DNAH14: variants seen among roughly 807,000 people sequenced by gnomAD.
DNAH14 encodes the protein dynein axonemal heavy chain 14.
In DNAH14, 478 loss-of-function variants were observed where a neutral mutation model predicts 520.9. That is an observed-to-expected ratio of 0.92 (90% confidence interval 0.85 to 0.99). The LOEUF is 0.99. Ranked by LOEUF, DNAH14 falls within the 50% of genes least tolerant of loss-of-function variation. The pLI is 0.00. For synonymous variants in DNAH14, 1,581 were observed against 1,757.2 expected, an observed-to-expected ratio of 0.90 and a Z score of 2.51; for missense variants, 4,831 against 5,234.5, an observed-to-expected ratio of 0.92 and a Z score of 2.38.
intron 37 of DNAH14, among the ~76,000 whole-genome samples, chr1:225,192,466 T>C (rs2085572702): frequency 6.6e-6 from 1 of 152,102 alleles, no homozygotes; most frequent in Non-Finnish European, 1.5e-5. Flanking sequence ...TTTCCACTTT[T>C]TCTGGGGGTA....
At chr1:224,946,962 G>T in intron 1 of DNAH14, among the ~76,000 whole-genome samples, 1 of 142,554 alleles carries the variant, frequency 7.0e-6, no homozygotes. Context: ...CTGTTGCCCA[G>T]GCTGGAGTGC....
chr1:225,079,546 A>G lies in DNAH14; in HGVS notation c.2764A>G (p.Lys922Glu), dbSNP rs1211883657. Residue 922 changes from lysine (K) to glutamate (E), a missense_variant and splice_region_variant, in exon 18 of 86, where the codon AAG becomes GAG. Physicochemically the swap from Lys to Glu is moderately conservative, Grantham distance 56. Coordinates refer to ENST00000682510, the MANE Select transcript of DNAH14 (RefSeq NM_001367479.1). Reference sequence around the variant, plus strand: ...TGTTGATGTTGGCAATTTAAAAGCCAAGGTAAGTTTTTAGGGTTTTTTTGG... The same window carrying G: ...TGTTGATGTTGGCAATTTAAAAGCCGAGGTAAGTTTTTAGGGTTTTTTTGG... Reference protein sequence around the residue: ...LHVDVGNLKAKIRTPLLLCAG... With the variant: ...LHVDVGNLKAEIRTPLLLCAG... The G allele has an allele frequency of 6.6e-7, 1 of 1,505,004 alleles. No homozygotes were observed. The highest frequency in any genetic ancestry group is 8.8e-7 in the Non-Finnish European group (1 of 1,134,768). The allele number at this position is 1,505,004 out of a possible 1,614,324, so 93.2% of individuals were successfully genotyped here. A position where few individuals can be genotyped will look rare whatever the true frequency, so the allele number is the denominator to read the frequency against.
At chr1:225,168,526 C>A (rs1391037386) in intron 36 of DNAH14, among the ~76,000 whole-genome samples, 3 of 152,206 alleles carry the variant, frequency 2.0e-5, no homozygotes, top group Non-Finnish European at 4.4e-5. Context: ...CTTGGAGGGT[C>A]CTATACCCAC....
Position 224,991,822 on chromosome 1 carries a change from A to G in DNAH14, c.831-10961A>G, listed in dbSNP as rs998439457. On this transcript the variant is annotated intron_variant, in intron 8 of 85. Transcript: ENST00000682510. ...ATTGATGGACATTTGGGTTGATTCCATGTCTTTGCTGTTGTGAATAATGCT... is the reference window on the plus strand; with the variant it reads ...ATTGATGGACATTTGGGTTGATTCCGTGTCTTTGCTGTTGTGAATAATGCT... Among the ~76,000 whole-genome samples the G allele has an allele frequency of 4.6e-5, 7 of 152,184 alleles. No individual in the cohort carries two copies. The Middle Eastern group carries it at 0.01, about 222-fold the overall frequency.
At chr1:225,251,327 C>G (rs2092541622) in intron 43 of DNAH14, among the ~76,000 whole-genome samples, 1 of 152,104 alleles carries the variant, frequency 6.6e-6, no homozygotes, top group African/African-American at 2.4e-5. Flanking sequence ...GCACCTGTCA[C>G]CACGCTTGGC....
chr1:225,123,351 T>C (rs1048008042), intron 26 of DNAH14, among the ~76,000 whole-genome samples, 176 bp from the exon 27 acceptor site: 1 of 152,218 alleles, frequency 6.6e-6, no homozygotes, highest in Admixed American at 6.5e-5. Flanking sequence ...TTAAGGAGTA[T>C]GCATTATGCT....
In DNAH14 at chr1:225,192,774, C is replaced by T; in HGVS notation, c.5749C>T (p.Leu1917=). 6.5e-7 allele frequency: 1 copy of T among 1,550,162 alleles called. No homozygotes were observed. Among genetic ancestry groups the T allele is most frequent in the Non-Finnish European group, 8.7e-7 (1 of 1,146,044 alleles). ...CACTCTCAGTGAACTATATGGACAA[C>T]TGGATCCTAATACTATGGAATGGAC... ...CVTLSELYGQ[L]DPNTMEWTDG... is the part of the protein sequence containing the mutation. The change falls in exon 38 of 86, where the codon CTG becomes TTG. Residue 1917 remains leucine (L), a synonymous_variant. Transcript: ENST00000682510.
chr1:225,200,431 A>G (rs1306017403), intron 38 of DNAH14, among the ~76,000 whole-genome samples: 4 of 151,982 alleles, frequency 2.6e-5, no homozygotes. Flanking sequence ...TATTTTTTAT[A>G]GGTCCTGTGA....
At chr1:225,067,743 A>G (rs958236559) in intron 17 of DNAH14, among the ~76,000 whole-genome samples, 4 of 151,282 alleles carry the variant, frequency 2.6e-5, no homozygotes, top group Non-Finnish European at 4.4e-5. Flanking sequence ...TTTTCATGTG[A>G]TTGTCGGCTG....
chr1:224,975,426 G>C lies in DNAH14; in HGVS notation c.830+1273G>C, dbSNP rs527678861. Among the ~76,000 whole-genome samples, 28 of 152,126 alleles carry C rather than the reference G, an allele frequency of 1.8e-4. No homozygotes were observed. In the East Asian group the frequency reaches 3.5e-3, roughly 19 times the overall value. On this transcript the variant is annotated intron_variant, in intron 8 of 85. Coordinates refer to ENST00000682510, the MANE Select transcript of DNAH14 (RefSeq NM_001367479.1). ...AGAGCCTGTTATTGGTCTATTCAGA[G>C]ATTCAACTTCTTCCTGGTTTAGTCT...
intron 81 of DNAH14, among the ~76,000 whole-genome samples, chr1:225,384,197 G>A (rs1324469015): frequency 6.6e-6 from 1 of 152,202 alleles, no homozygotes; most frequent in African/African-American, 2.4e-5. Flanking sequence ...GTGGTGCTGA[G>A]AAGAATGTAT....
chr1:225,174,193 A>G (rs1203396938), intron 36 of DNAH14, among the ~76,000 whole-genome samples: 1 of 152,164 alleles, frequency 6.6e-6, no homozygotes, highest in Non-Finnish European at 1.5e-5. Context: ...GCACACCAAC[A>G]TGGCACATGT....
chr1:224,958,023 G>A (rs1337539445), intron 3 of DNAH14, among the ~76,000 whole-genome samples: 1 of 152,104 alleles, frequency 6.6e-6, no homozygotes, highest in Non-Finnish European at 1.5e-5. Flanking sequence ...GGTCTTGGAT[G>A]AGAGGAAAAC....
rs1444402148 is a variant in DNAH14, at chr1:225,335,217, A to G, written c.10080+1711A>G. ...TATATGCACACACGTACATGTGTGT[A>G]TATATGCACATATACACATGTGTAC... is the stretch of plus-strand genomic sequence containing the variant. On this transcript the variant is annotated intron_variant, in intron 66 of 85. Coordinates refer to ENST00000682510, the MANE Select transcript of DNAH14 (RefSeq NM_001367479.1). Among the ~76,000 whole-genome samples the G allele has an allele frequency of 6.2e-3, 868 of 139,206 alleles. 13 individuals carry two copies. Among genetic ancestry groups the G allele is most frequent in the Non-Finnish European group, 9.1e-3 (564 of 61,736 alleles). 91.3% of individuals were successfully genotyped at this position (139,206 alleles called of 152,430 possible).
chr1:225,373,207 G>T (rs1195461611), intron 77 of DNAH14, among the ~76,000 whole-genome samples: 2 of 149,560 alleles, frequency 1.3e-5, no homozygotes, highest in African/African-American at 2.4e-5. Context: ...AGAAAGAAAG[G>T]GGGAGAGGAG....
intron 54 of DNAH14, among the ~76,000 whole-genome samples, chr1:225,282,609 G>C (rs888140374): frequency 5.9e-5 from 9 of 152,178 alleles, no homozygotes; most frequent in African/African-American, 1.2e-4. Flanking sequence ...AGTTACTATT[G>C]TTAGCAACTG....
Position 225,318,644 on chromosome 1 carries a change from A to G in DNAH14, c.9302A>G (p.Asn3101Ser), listed in dbSNP as rs992240882. ...TTTGACAAGGCAATTGTGGCTCTGA[A>G]TGCCCTGGATAAAGCTGATGTCGCT... ...PAFDKAIVAL[N>S]ALDKADVAEL... Residue 3101 changes from asparagine (N) to serine (S), a missense_variant, in exon 61 of 86, where the codon AAT becomes AGT. Coordinates refer to ENST00000682510, the MANE Select transcript of DNAH14 (RefSeq NM_001367479.1). 6.4e-7 allele frequency: 1 copy of G among 1,550,634 alleles called. No individual in the cohort carries two copies.
At position 225,293,877 on chromosome 1, in the gene DNAH14, C is replaced by T. The variant is rs559172662; in HGVS notation, c.8469+3795C>T. On this transcript the variant is annotated intron_variant, in intron 55 of 85. Coordinates refer to ENST00000682510, the MANE Select transcript of DNAH14 (RefSeq NM_001367479.1). ...TCTTTATGTATTTATAAGACCATGT[C>T]ATCTGGAAATGGGCAATTTGACTTC... Among the ~76,000 whole-genome samples the T allele has an allele frequency of 7.0e-4, 107 of 152,140 alleles. 1 individual carries two copies. Among genetic ancestry groups the T allele is most frequent in the African/African-American group, 2.5e-3 (104 of 41,526 alleles).
At chr1:225,282,564 G>A (rs1308432417) in intron 54 of DNAH14, among the ~76,000 whole-genome samples, 1 of 152,212 alleles carries the variant, frequency 6.6e-6, no homozygotes, top group Non-Finnish European at 1.5e-5. Context: ...AGACACAGAA[G>A]AGATGGTAAT....
Sources: allele counts gnomAD v4.1 joint callset (sites outside exome capture counted in the v4.1 genomes callset), GRCh38; gene constraint gnomAD v4.1.1; transcripts MANE v1.5; gene names NCBI Gene and HGNC (gene_info 2026-07-23, HGNC 2026-07-21).